GLIS1: variants seen among roughly 807,000 people sequenced by gnomAD.
GLIS1 encodes zinc finger protein GLIS1.
Under a neutral mutation model 63.8 loss-of-function variants are expected in GLIS1, and 24 were observed. That is an observed-to-expected ratio of 0.38 (90% CI 0.27 to 0.53). The LOEUF (loss-of-function observed/expected upper bound fraction) is 0.53. Ranked by LOEUF, GLIS1 falls within the 20% of genes least tolerant of loss-of-function variation. The probability of loss-of-function intolerance (pLI) is 0.85; values close to 1 mark genes in which losing one functional copy is unlikely to be tolerated. For missense variants in GLIS1, 1,036 were observed against 1,074.1 expected, an observed-to-expected ratio of 0.96 and a Z score of 0.50; for synonymous variants, 450 against 482.5, an observed-to-expected ratio of 0.93 and a Z score of 0.88.
rs1212250839 is a variant in GLIS1, at chr1:53,646,103, T to C, written c.260-45825A>G. Among the ~76,000 whole-genome samples the C allele has an allele frequency of 2.0e-5, 3 of 152,210 alleles. No individual in the cohort carries two copies. Among genetic ancestry groups the C allele is most frequent in the Non-Finnish European group, 4.4e-5 (3 of 68,032 alleles). The stretch of plus-strand genomic sequence containing the variant: ...GCAAATCTCAGTATACCGAATAAAG[T>C]TCAAAATCCACTAAAATGGAATATA... On this transcript the variant is annotated intron_variant, in intron 2 of 10. Coordinates refer to ENST00000628545, the MANE Select transcript of GLIS1 (RefSeq NM_001367484.1). The surrounding 1 kb of genome is among the most constrained non-coding windows in gnomAD (Gnocchi z 4.2).
At chr1:53,677,793 C>T (rs1334248087) in intron 2 of GLIS1, among the ~76,000 whole-genome samples, 2 of 152,216 alleles carry the variant, frequency 1.3e-5, no homozygotes, top group Non-Finnish European at 2.9e-5. Flanking sequence ...ACCTCAAGAA[C>T]TGCCCATCTG....
chr1:53,588,529 G>A lies in GLIS1; in HGVS notation c.1320+5579C>T, dbSNP rs370255571. Among the ~76,000 whole-genome samples, 3 of 152,242 alleles carry A rather than the reference G, an allele frequency of 2.0e-5. No individual in the cohort carries two copies. The East Asian group carries it at 5.8e-4, about 29-fold the overall frequency. On this transcript the variant is annotated intron_variant, in intron 4 of 10. Transcript: ENST00000628545. The stretch of plus-strand genomic sequence containing the variant: ...TGTCTTCCCTGTTCTCTGTCTGTAT[G>A]TGATGGGATGAACTGGCCGACCTGC...
rs146739007 is a variant in GLIS1, at chr1:53,667,389, C to G, written c.260-67111G>C. ...TGAGGGAGACCTCATTATTCCCATG[C>G]TATGAAGAAACGGAGGCCTGCACCA... On this transcript the variant is annotated intron_variant, in intron 2 of 10. Transcript: ENST00000628545. Among the ~76,000 whole-genome samples, 122 of 152,324 alleles carry G rather than the reference C, an allele frequency of 8.0e-4. 1 individual carries two copies. The East Asian group carries it at 0.021, about 26-fold the overall frequency.
At chr1:53,643,770 C>A (rs565563365) in intron 2 of GLIS1, among the ~76,000 whole-genome samples, 2 of 152,306 alleles carry the variant, frequency 1.3e-5, no homozygotes, top group East Asian at 3.9e-4. Context: ...TGTGGAGCAG[C>A]ACCCCCGGGG....
Position 53,575,069 on chromosome 1 carries a change from A to C in GLIS1, c.1320+19039T>G, listed in dbSNP as rs545417661. ...ACAGTACTTTCCAGCAGCCTATATAAATCTGGAGAAAAGGGGTTATTAAAC... is the reference window on the plus strand; with the variant it reads ...ACAGTACTTTCCAGCAGCCTATATACATCTGGAGAAAAGGGGTTATTAAAC... On this transcript the variant is annotated intron_variant, in intron 4 of 10. Coordinates refer to ENST00000628545, the MANE Select transcript of GLIS1 (RefSeq NM_001367484.1). Among the ~76,000 whole-genome samples, 7 of 152,318 alleles carry C rather than the reference A, an allele frequency of 4.6e-5. No homozygotes were observed. The East Asian group carries it at 1.4e-3, about 29-fold the overall frequency.
intron 2 of GLIS1, among the ~76,000 whole-genome samples, chr1:53,705,866 C>T (rs771424206): frequency 1.3e-5 from 2 of 152,168 alleles, no homozygotes; most frequent in African/African-American, 2.4e-5. Context: ...TCAATGCTCC[C>T]GGGAAGTCCG....
intron 2 of GLIS1, among the ~76,000 whole-genome samples, chr1:53,660,049 GT>G (rs1199851781): frequency 6.6e-6 from 1 of 152,192 alleles, no homozygotes; most frequent in Non-Finnish European, 1.5e-5. Context: ...GGTCACAAAG[GT>G]CCCGGCCAGC....
At chr1:53,570,282 TTA>T (rs1491367396) in intron 4 of GLIS1, among the ~76,000 whole-genome samples, 1 of 131,054 alleles carries the variant, frequency 7.6e-6, no homozygotes, top group African/African-American at 3.7e-5. Flanking sequence ...CTTGGCTAAT[TTA>T]AAAAAAAAAA....
At chr1:53,524,712 C>CT (rs1166218119) in intron 6 of GLIS1, 65 bp downstream of exon 6, 1 of 1,158,096 alleles carries the variant, frequency 8.6e-7, no homozygotes, top group Non-Finnish European at 1.3e-6. Flanking sequence ...AGGGTGGGCA[C>CT]CTGGCCTGAT....
intron 2 of GLIS1, among the ~76,000 whole-genome samples, chr1:53,710,923 T>C (rs893997796): frequency 6.6e-6 from 1 of 151,788 alleles, no homozygotes; most frequent in Non-Finnish European, 1.5e-5. Context: ...TCAGCGATGG[T>C]GGCCGAGCTG....
At chr1:53,545,663 T>G (rs1370622755) in intron 4 of GLIS1, among the ~76,000 whole-genome samples, 1 of 152,216 alleles carries the variant, frequency 6.6e-6, no homozygotes, top group African/African-American at 2.4e-5. Flanking sequence ...TTTCCTTACA[T>G]TTCACTCTCT....
intron 2 of GLIS1, among the ~76,000 whole-genome samples, chr1:53,606,042 C>T (rs980626443): frequency 2.0e-5 from 3 of 152,232 alleles, no homozygotes; most frequent in African/African-American, 7.2e-5. Context: ...AGTCACCTCA[C>T]CCTTCTGAGC....
chr1:53,529,586 G>A (rs1339721410), intron 5 of GLIS1, among the ~76,000 whole-genome samples: 1 of 152,196 alleles, frequency 6.6e-6, no homozygotes, highest in African/African-American at 2.4e-5. Context: ...TGGGAACATT[G>A]CCTCCTATCT....
intron 4 of GLIS1, among the ~76,000 whole-genome samples, chr1:53,588,752 TGAAG>T (rs1204546610): frequency 6.6e-6 from 1 of 152,206 alleles, no homozygotes; most frequent in Non-Finnish European, 1.5e-5. Flanking sequence ...ACTGTTCTTC[TGAAG>T]GAAGAGGTTG....
chr1:53,598,550 G>A lies in GLIS1; in HGVS notation c.437+1551C>T, dbSNP rs1645284547. Among the ~76,000 whole-genome samples, 1 of 151,958 alleles carries A rather than the reference G, an allele frequency of 6.6e-6. No individual in the cohort carries two copies. Among genetic ancestry groups the A allele is most frequent in the African/African-American group, 2.4e-5 (1 of 41,348 alleles). On this transcript the variant is annotated intron_variant, in intron 3 of 10. Coordinates refer to ENST00000628545, the MANE Select transcript of GLIS1 (RefSeq NM_001367484.1). This position sits in a 1 kb window ranked among gnomAD's most constrained non-coding sequence, Gnocchi z 4.6. ...ACCCTGTCTCAAAAAAAAAAAAGGA[G>A]GAATTAGGGCACAGGCCGAGGGATG... is the stretch of plus-strand genomic sequence containing the variant.
At chr1:53,663,323 C>A (rs113706888) in intron 2 of GLIS1, among the ~76,000 whole-genome samples, 1 of 152,232 alleles carries the variant, frequency 6.6e-6, no homozygotes, top group Non-Finnish European at 1.5e-5. Context: ...TCTGATTACA[C>A]GGAAGTGAAC....
At chr1:53,720,833 TACAA>T (rs1475690663) in intron 2 of GLIS1, among the ~76,000 whole-genome samples, 5 of 152,122 alleles carry the variant, frequency 3.3e-5, no homozygotes, top group Admixed American at 2.6e-4. Flanking sequence ...ACTCCACTAC[TACAA>T]AACATACAAC....
chr1:53,619,533 G>C (rs1489117197), intron 2 of GLIS1, among the ~76,000 whole-genome samples: 1 of 152,216 alleles, frequency 6.6e-6, no homozygotes, highest in Non-Finnish European at 1.5e-5. Flanking sequence ...ACATCAATCA[G>C]CCCATTTTAC....
intron 2 of GLIS1, among the ~76,000 whole-genome samples, chr1:53,656,499 T>C (rs1645967061): frequency 6.6e-6 from 1 of 152,118 alleles, no homozygotes; most frequent in South Asian, 2.1e-4. Context: ...GGCAGGAAAT[T>C]CCTCTAAAAT....
Sources: gnomAD v4.1 joint callset for allele counts (sites outside exome capture counted in the v4.1 genomes callset) on GRCh38, gnomAD v4.1.1 for gene constraint, Gnocchi (gnomAD v3.1) non-coding constraint, MANE v1.5 for transcripts, NCBI Gene and HGNC (gene_info 2026-07-23, HGNC 2026-07-21) for gene names.